The following RIT2 variants were observed in gnomAD, a reference collection of about 807,000 sequenced individuals.
RIT2 encodes the protein Ras like without CAAX 2.
Under a neutral mutation model 23.7 loss-of-function variants are expected in RIT2, and 24 were observed. The observed-to-expected ratio is 1.01, with a 90% CI of 0.73 to 1.43. The LOEUF is 1.43. Ranked by LOEUF, RIT2 falls within the 40% of genes most tolerant of loss-of-function variation. The pLI is 0.00. For synonymous variants in RIT2, 107 were observed against 91.1 expected (o/e 1.17, Z -0.99); for missense variants, 236 against 266.9 (o/e 0.88, Z 0.81).
chr18:42,885,689 A>G (rs370574231), intron 4 of RIT2, among the ~76,000 whole-genome samples: 7 of 152,214 alleles, frequency 4.6e-5, no homozygotes, highest in Admixed American at 1.3e-4. Flanking sequence ...GTGGAATAGC[A>G]GTAATATCTC....
At chr18:43,106,513 A>G (rs1171549144) in intron 1 of RIT2, among the ~76,000 whole-genome samples, 1 of 151,712 alleles carries the variant, frequency 6.6e-6, no homozygotes, top group Non-Finnish European at 1.5e-5. Context: ...AAGACCACAA[A>G]TTATCTACAC....
At chr18:42,989,638 A>C (rs1910793018) in intron 2 of RIT2, among the ~76,000 whole-genome samples, 1 of 152,162 alleles carries the variant, frequency 6.6e-6, no homozygotes, top group Non-Finnish European at 1.5e-5. Flanking sequence ...GTCACATGTC[A>C]AGAACATGAA....
intron 3 of RIT2, among the ~76,000 whole-genome samples, chr18:42,940,509 G>T (rs1909576280): frequency 2.0e-5 from 3 of 151,448 alleles, no homozygotes; most frequent in South Asian, 4.2e-4. Flanking sequence ...CGTATGGCTG[G>T]CTTCCAGGTC....
intron 4 of RIT2, among the ~76,000 whole-genome samples, chr18:42,883,133 CGA>C (rs1440506556): frequency 6.6e-6 from 1 of 151,484 alleles, no homozygotes; most frequent in Admixed American, 6.6e-5. Flanking sequence ...TGTGTGTGCA[CGA>C]GAGTGTGTGT....
intron 3 of RIT2, among the ~76,000 whole-genome samples, chr18:42,925,907 CTTTT>C (rs1479938287): frequency 6.6e-6 from 1 of 151,502 alleles, no homozygotes; most frequent in East Asian, 1.9e-4. Flanking sequence ...ATTGCTTATT[CTTTT>C]TTATAGAGAC....
chr18:43,045,957 T>C (rs1912237522), intron 1 of RIT2, among the ~76,000 whole-genome samples: 1 of 152,176 alleles, frequency 6.6e-6, no homozygotes, highest in Admixed American at 6.6e-5. Context: ...TGATAATCTT[T>C]ATAATATTAT....
chr18:42,899,666 T>C (rs1908424268), intron 4 of RIT2, among the ~76,000 whole-genome samples: 1 of 152,070 alleles, frequency 6.6e-6, no homozygotes, highest in South Asian at 2.1e-4. Context: ...GGGACATTCA[T>C]TTCCTTCTGA....
At chr18:42,885,666 G>A (rs543757664) in intron 4 of RIT2, among the ~76,000 whole-genome samples, 1 of 152,254 alleles carries the variant, frequency 6.6e-6, no homozygotes, top group Non-Finnish European at 1.5e-5. Context: ...TTTACTATTA[G>A]AGGAGAGGGT....
chr18:42,876,702 T>A (rs73471649), intron 4 of RIT2, among the ~76,000 whole-genome samples: 3,916 of 151,294 alleles, frequency 0.026, 166 homozygotes, highest in African/African-American at 0.088. Context: ...TAGTACAGGT[T>A]TTTTTTTTCT....
chr18:42,942,611 T>C (rs1451403043), intron 3 of RIT2, among the ~76,000 whole-genome samples: 1 of 152,072 alleles, frequency 6.6e-6, no homozygotes, highest in East Asian at 1.9e-4. Flanking sequence ...TTTCTCCAAG[T>C]GCTTGGGCTT....
Position 42,768,711 on chromosome 18 carries a change from A to G in RIT2, c.427-24991T>C, listed in dbSNP as rs144027993. On this transcript the variant is annotated intron_variant, in intron 4 of 4. Transcript: ENST00000326695. The stretch of plus-strand genomic sequence containing the variant: ...TTCCTAGCTGGATACTAGATGTTTT[A>G]TGAATTGCAGGATATACGACCATGC... Among the ~76,000 whole-genome samples the G allele has an allele frequency of 7.1e-3, 1,075 of 152,226 alleles. 5 individuals carry two copies. Among genetic ancestry groups the G allele is most frequent in the Non-Finnish European group, 0.012 (833 of 68,028 alleles).
At chr18:43,056,458 C>CAAAA (rs1912504778) in intron 1 of RIT2, among the ~76,000 whole-genome samples, 3 of 152,050 alleles carry the variant, frequency 2.0e-5, no homozygotes, top group Admixed American at 2.0e-4. Context: ...CTTCCAGGAG[C>CAAAA]TGTTTTCTCC....
intron 4 of RIT2, among the ~76,000 whole-genome samples, chr18:42,793,957 T>C (rs1212672386): frequency 6.6e-6 from 1 of 152,122 alleles, no homozygotes; most frequent in Non-Finnish European, 1.5e-5. Flanking sequence ...TTCTCTCATA[T>C]CCAAATCCCT....
intron 4 of RIT2, among the ~76,000 whole-genome samples, chr18:42,765,619 C>G (rs1374468385): frequency 1.3e-5 from 2 of 152,278 alleles, no homozygotes; most frequent in Non-Finnish European, 2.9e-5. Context: ...GCTGAAAGAA[C>G]AAAGTGTGTT....
intron 4 of RIT2, among the ~76,000 whole-genome samples, chr18:42,841,351 C>T (rs867143382): frequency 2.6e-5 from 4 of 152,100 alleles, no homozygotes; most frequent in Admixed American, 2.6e-4. Context: ...ATTTGAGGCT[C>T]CTTTTTGAAA....
intron 3 of RIT2, among the ~76,000 whole-genome samples, chr18:42,963,772 C>T (rs186570943): frequency 4.6e-5 from 7 of 151,744 alleles, no homozygotes; most frequent in East Asian, 3.9e-4. Context: ...GGCAGGCACC[C>T]ATAATCCCAG....
At chr18:43,075,158 A>G (rs562059368) in intron 1 of RIT2, among the ~76,000 whole-genome samples, 26 of 152,170 alleles carry the variant, frequency 1.7e-4, no homozygotes, top group Admixed American at 5.9e-4. Flanking sequence ...ATTAAATTCA[A>G]CTCTACCCTG....
At chr18:42,822,696 CA>C (rs1176161253) in intron 4 of RIT2, among the ~76,000 whole-genome samples, 1 of 152,024 alleles carries the variant, frequency 6.6e-6, no homozygotes, top group Non-Finnish European at 1.5e-5. Flanking sequence ...AAAGGTTTAT[CA>C]ATAATATCTT....
At chr18:42,797,650 A>G (rs890682598) in intron 4 of RIT2, among the ~76,000 whole-genome samples, 12 of 152,168 alleles carry the variant, frequency 7.9e-5, no homozygotes, top group African/African-American at 2.9e-4. Context: ...CTGAGTCACT[A>G]TGAGGCCTTG....
Sources: allele counts gnomAD v4.1 joint callset (sites outside exome capture counted in the v4.1 genomes callset), GRCh38; gene constraint gnomAD v4.1.1; transcripts MANE v1.5; gene names NCBI Gene and HGNC (gene_info 2026-07-23, HGNC 2026-07-21).